TBC1D5: variants seen among roughly 807,000 people sequenced by gnomAD.
TBC1D5 encodes TBC1 domain family, member 5.
In TBC1D5, 75 loss-of-function variants were observed where a neutral mutation model predicts 100.3. That is an observed-to-expected ratio of 0.75 (90% CI 0.62 to 0.91). The LOEUF is 0.91. Ranked by LOEUF, TBC1D5 falls within the 40% of genes least tolerant of loss-of-function variation. The probability of loss-of-function intolerance (pLI) is 0.00; values close to 1 mark genes in which losing one functional copy is unlikely to be tolerated. For synonymous variants in TBC1D5, 323 were observed against 325.6 expected (o/e 0.99, Z 0.09); for missense variants, 910 against 942.4 (o/e 0.97, Z 0.45).
chr3:17,400,014 C>A (rs957367738), intron 8 of TBC1D5, among the ~76,000 whole-genome samples: 4 of 152,022 alleles, frequency 2.6e-5, no homozygotes, highest in Non-Finnish European at 5.9e-5. Flanking sequence ...AGTTACTCTG[C>A]CTTATTTCTT....
chr3:17,337,534 T>G (rs1306644492), intron 13 of TBC1D5: 1 of 152,166 alleles, frequency 6.6e-6, no homozygotes, highest in African/African-American at 2.4e-5. Context: ...AGCGGAAATA[T>G]GGCGAAAATC....
intron 3 of TBC1D5, among the ~76,000 whole-genome samples, chr3:17,442,223 T>C (rs2094678887): frequency 6.6e-6 from 1 of 152,268 alleles, no homozygotes; most frequent in African/African-American, 2.4e-5. Context: ...AGAAATCTCT[T>C]TCTTTTTCCC....
At chr3:17,280,155 A>G (rs2080425832) in intron 15 of TBC1D5, among the ~76,000 whole-genome samples, 1 of 152,240 alleles carries the variant, frequency 6.6e-6, no homozygotes, top group Non-Finnish European at 1.5e-5. Flanking sequence ...AGAAAATAAT[A>G]TAACAAATCA....
chr3:17,417,481 T>G (rs1441147821), intron 4 of TBC1D5, among the ~76,000 whole-genome samples: 1 of 152,054 alleles, frequency 6.6e-6, no homozygotes, highest in Non-Finnish European at 1.5e-5. Flanking sequence ...CTGAGAATGA[T>G]GATTGCCAAT....
intron 16 of TBC1D5, among the ~76,000 whole-genome samples, chr3:17,256,974 G>C (rs1459530739): frequency 6.6e-6 from 1 of 152,194 alleles, no homozygotes; most frequent in Non-Finnish European, 1.5e-5. Context: ...GCAAATAACA[G>C]AGAAGGCTGA....
chr3:17,209,409 C>T lies in TBC1D5; in HGVS notation c.1752+4798G>A, dbSNP rs142750730. Among the ~76,000 whole-genome samples, 199 of 152,310 alleles carry T rather than the reference C, an allele frequency of 1.3e-3. 3 individuals are homozygous for T. The East Asian group carries it at 0.031, about 24-fold the overall frequency. On this transcript the variant is annotated intron_variant, in intron 18 of 21. Coordinates refer to ENST00000253692, the Ensembl canonical transcript of TBC1D5. ...CAAGCAATGCTCCCAACTCAGCCTC[C>T]CTAAGTGTTGGGATTACAGGCGTGA... is the stretch of plus-strand genomic sequence containing the variant.
At chr3:17,409,085 T>C (rs2093851841) in intron 4 of TBC1D5, among the ~76,000 whole-genome samples, 1 of 152,326 alleles carries the variant, frequency 6.6e-6, no homozygotes, top group African/African-American at 2.4e-5. Flanking sequence ...CCTCATTTTA[T>C]GTCACTTCAT....
At chr3:17,630,036 C>T (rs2063365904) in intron 1 of TBC1D5, among the ~76,000 whole-genome samples, 1 of 152,184 alleles carries the variant, frequency 6.6e-6, no homozygotes, top group African/African-American at 2.4e-5. Flanking sequence ...TATGATCACC[C>T]TATTCAGCAC....
Position 17,488,458 on chromosome 3 carries a change from T to G in TBC1D5, c.97+20016A>C, listed in dbSNP as rs563074743. 2.0e-5 allele frequency among the ~76,000 whole-genome samples: 3 copies of G among 152,314 alleles called. No homozygotes were observed. The South Asian group carries it at 6.2e-4, about 32-fold the overall frequency. On this transcript the variant is annotated intron_variant, in intron 3 of 21. Transcript: ENST00000253692. ...AAACATTTGTGTGCAGAACTCTGTA[T>G]AGACGTAAGTTTTCAACACACTTGG... is the stretch of plus-strand genomic sequence containing the variant.
At chr3:17,246,605 A>T (rs1023476388) in intron 16 of TBC1D5, among the ~76,000 whole-genome samples, 11 of 152,210 alleles carry the variant, frequency 7.2e-5, no homozygotes, top group Non-Finnish European at 7.4e-5. Context: ...TGGCCAGTTG[A>T]TTTTCAACCA....
intron 2 of TBC1D5, among the ~76,000 whole-genome samples, chr3:17,607,265 T>C (rs1009931733): frequency 5.1e-5 from 6 of 117,618 alleles, no homozygotes; most frequent in Middle Eastern, 4.7e-3. Context: ...ATCTAATGTG[T>C]ACAGCAAAAA....
rs553661744 is a variant in TBC1D5, at chr3:17,426,883, AT to A, written c.167+1566del. Among the ~76,000 whole-genome samples the A allele has an allele frequency of 5.0e-3, 762 of 152,076 alleles. 4 individuals carry two copies. The highest frequency in any genetic ancestry group is 0.017 in the African/African-American group (701 of 41,544). On this transcript the variant is annotated intron_variant, in intron 4 of 21. Coordinates refer to ENST00000253692, the Ensembl canonical transcript of TBC1D5. Reference sequence around the variant, plus strand: ...TGGGATTTTCCTTCCTTTGAAATACATTTTTTTGTCTTGTTTATGTTTAATC... The same window carrying A: ...TGGGATTTTCCTTCCTTTGAAATACATTTTTTGTCTTGTTTATGTTTAATC...
At chr3:17,397,371 G>A (rs1254091870) in intron 8 of TBC1D5, among the ~76,000 whole-genome samples, 4 of 152,102 alleles carry the variant, frequency 2.6e-5, no homozygotes, top group African/African-American at 9.7e-5. Context: ...ACATTAAGAT[G>A]AGAAAGTTAC....
chr3:17,335,737 CAG>C (rs1491419961), intron 13 of TBC1D5, among the ~76,000 whole-genome samples: 2 of 152,012 alleles, frequency 1.3e-5, no homozygotes, highest in Non-Finnish European at 1.5e-5. Flanking sequence ...TCAAATTACT[CAG>C]GGGGGGTTTC....
chr3:17,161,706 T>C (rs924664387), intron 21 of TBC1D5, among the ~76,000 whole-genome samples: 1 of 152,276 alleles, frequency 6.6e-6, no homozygotes, highest in Non-Finnish European at 1.5e-5. Context: ...TAATGTGTTG[T>C]CATGATATAG....
intron 1 of TBC1D5, among the ~76,000 whole-genome samples, chr3:17,713,700 C>A (rs570850876): frequency 3.9e-5 from 6 of 152,118 alleles, no homozygotes; most frequent in Admixed American, 3.9e-4. Context: ...GGACAATCGA[C>A]CCAATTAAAA....
chr3:17,168,576 T>C (rs992976855), intron 19 of TBC1D5, among the ~76,000 whole-genome samples: 1 of 149,154 alleles, frequency 6.7e-6, no homozygotes, highest in Non-Finnish European at 1.5e-5. Flanking sequence ...TATCAGGAAC[T>C]GTGGCGTTCT....
intron 3 of TBC1D5, among the ~76,000 whole-genome samples, chr3:17,431,253 TAC>T: frequency 6.6e-6 from 1 of 152,024 alleles, no homozygotes; most frequent in East Asian, 1.9e-4. Flanking sequence ...AGATGCATCA[TAC>T]ACACACATAC....
intron 3 of TBC1D5, among the ~76,000 whole-genome samples, chr3:17,432,068 T>C (rs2094455494): frequency 6.6e-6 from 1 of 152,198 alleles, no homozygotes; most frequent in Non-Finnish European, 1.5e-5. Flanking sequence ...TCAGTTTACA[T>C]GTGAAAACAT....
Sources: gnomAD v4.1 joint callset for allele counts (sites outside exome capture counted in the v4.1 genomes callset) on GRCh38, gnomAD v4.1.1 for gene constraint, MANE v1.5 for transcripts, NCBI Gene and HGNC (gene_info 2026-07-23, HGNC 2026-07-21) for gene names.